Variants in AOX1 observed in about 807,000 individuals in gnomAD.
The protein encoded by AOX1 is aldehyde oxidase.
AOX1 carries 153 observed loss-of-function variants against 169.5 expected under a neutral mutation model. The observed-to-expected ratio is 0.90, with a 90% CI of 0.79 to 1.03. AOX1 has a LOEUF of 1.03. AOX1 is among the 50% of genes least tolerant of loss of function. The probability of loss-of-function intolerance (pLI) is 0.00; values close to 1 mark genes in which losing one functional copy is unlikely to be tolerated. For missense variants in AOX1, 1,656 were observed against 1,663.9 expected (o/e 1.00, Z 0.08); for synonymous variants, 562 against 581.9 (o/e 0.97, Z 0.49).
intron 31 of AOX1, 38 bp downstream of exon 31, chr2:200,663,007 G>C (rs1303078769): frequency 1.3e-6 from 2 of 1,522,208 alleles, no homozygotes; most frequent in African/African-American, 2.7e-5. Flanking sequence ...GTTGCACTTA[G>C]GATGCACCTA....
intron 14 of AOX1, among the ~76,000 whole-genome samples, chr2:200,613,042 G>GAGAC (rs1553569254): frequency 9.2e-5 from 14 of 151,556 alleles, no homozygotes; most frequent in Admixed American, 5.3e-4. Flanking sequence ...GAGAGAGAGA[G>GAGAC]AGACAGACAG....
chr2:200,604,780 C>G lies in AOX1; in HGVS notation c.754C>G (p.Leu252Val), dbSNP rs763779176. ...MWFSPVTLKE[L>V]LEFKFKYPQA... Reference sequence around the variant, plus strand: ...GTTTTCCCCCGTGACCCTGAAGGAACTGCTGGAATTTAAATTCAAGTATCC... The same window carrying G: ...GTTTTCCCCCGTGACCCTGAAGGAAGTGCTGGAATTTAAATTCAAGTATCC... Residue 252 changes from leucine (L) to valine (V), a missense_variant, in exon 9 of 35, where the codon CTG becomes GTG. Coordinates refer to ENST00000374700, the MANE Select transcript of AOX1 (RefSeq NM_001159.4). The G allele has an allele frequency of 3.1e-6, 5 of 1,613,864 alleles. No homozygotes were observed. Among genetic ancestry groups the G allele is most frequent in the East Asian group, 2.2e-5 (1 of 44,872 alleles).
At chr2:200,607,102 GAT>G (rs1315858206) in intron 10 of AOX1, among the ~76,000 whole-genome samples, 1 of 152,140 alleles carries the variant, frequency 6.6e-6, no homozygotes, top group Admixed American at 6.5e-5. Flanking sequence ...CATTCAGTAT[GAT>G]ATTGGCTATA....
At chr2:200,667,919 G>T (rs1163622407) in intron 32 of AOX1, among the ~76,000 whole-genome samples, 1 of 151,986 alleles carries the variant, frequency 6.6e-6, no homozygotes, top group Non-Finnish European at 1.5e-5. Context: ...AGCACCCTGG[G>T]GTCTCTGGAC....
At position 200,593,048 on chromosome 2, in the gene AOX1, G is replaced by T. The variant is rs538955336; in HGVS notation, c.46-98G>T. 132 of 899,764 alleles carry T rather than the reference G, an allele frequency of 1.5e-4. 1 individual carries two copies. In the African/African-American group the frequency reaches 2.0e-3, roughly 13 times the overall value. The allele number at this position is 899,764 out of a possible 1,614,324, so 55.7% of individuals were successfully genotyped here. A position where few individuals can be genotyped will look rare whatever the true frequency, so the allele number is the denominator to read the frequency against. ...ATCTACTTGAAAATATGAGTAAAAG[G>T]GCTAATTAACATGCATTTCCCTCAA... On this transcript the variant is annotated intron_variant, in intron 1 of 34. Transcript: ENST00000374700.
intron 28 of AOX1, 138 bp from the exon 29 acceptor site, chr2:200,659,857 A>G (rs2035786277): frequency 4.7e-6 from 3 of 638,476 alleles, no homozygotes; most frequent in South Asian, 3.9e-5. Context: ...CTTTCATATC[A>G]CCTTCATACA....
At chr2:200,612,848 T>C in intron 14 of AOX1, 55 bp downstream of exon 14, 2 of 1,432,804 alleles carry the variant, frequency 1.4e-6, no homozygotes, top group Non-Finnish European at 1.9e-6. Flanking sequence ...CTCCAAGTAT[T>C]AGAGGAGCCC....
intron 33 of AOX1, among the ~76,000 whole-genome samples, chr2:200,669,254 G>A (rs2035981791): frequency 6.6e-6 from 1 of 152,142 alleles, no homozygotes; most frequent in East Asian, 1.9e-4. Flanking sequence ...GACCAGCCTG[G>A]CCAACCTAGT....
At chr2:200,667,422 A>G (rs907925261) in intron 32 of AOX1, among the ~76,000 whole-genome samples, 5 of 151,848 alleles carry the variant, frequency 3.3e-5, no homozygotes, top group African/African-American at 9.7e-5. Context: ...CCTCTGATTT[A>G]GGGCACCATC....
intron 25 of AOX1, among the ~76,000 whole-genome samples, chr2:200,649,151 T>G: frequency 6.6e-6 from 1 of 152,102 alleles, no homozygotes; most frequent in African/African-American, 2.4e-5. Context: ...TAGAGATTTC[T>G]TTCTCCCTGT....
downstream of AOX1, among the ~76,000 whole-genome samples, chr2:200,678,023 C>T (rs1264330379): frequency 6.6e-6 from 1 of 152,166 alleles, no homozygotes; most frequent in Non-Finnish European, 1.5e-5. Context: ...CCTCAATTAA[C>T]AAGCACTAGA....
chr2:200,595,926 C>G (rs1003125965), intron 3 of AOX1, among the ~76,000 whole-genome samples: 1 of 152,188 alleles, frequency 6.6e-6, no homozygotes, highest in Non-Finnish European at 1.5e-5. Context: ...TATAAGCCCC[C>G]AATGGCTTCC....
At chr2:200,624,393 G>A (rs1404852967) in intron 19 of AOX1, among the ~76,000 whole-genome samples, 1 of 152,184 alleles carries the variant, frequency 6.6e-6, no homozygotes, top group Non-Finnish European at 1.5e-5. Context: ...TACTTCTAGG[G>A]GTAGGAGTTG....
chr2:200,602,254 G>T, intron 5 of AOX1, 30 bp from the exon 6 acceptor site: 2 of 1,608,600 alleles, frequency 1.2e-6, no homozygotes, highest in Non-Finnish European at 1.7e-6. Context: ...TGGGTCACTT[G>T]GCTAACAGAG....
At chr2:200,616,209 A>G (rs2034755042) in intron 16 of AOX1, 146 bp downstream of exon 16, 3 of 606,576 alleles carry the variant, frequency 4.9e-6, no homozygotes, top group South Asian at 2.1e-5. Flanking sequence ...ATGGGTAACT[A>G]AAATTCCAAA....
chr2:200,624,256 G>A (rs1362362386), intron 19 of AOX1, among the ~76,000 whole-genome samples: 2 of 152,184 alleles, frequency 1.3e-5, no homozygotes, highest in Non-Finnish European at 2.9e-5. Context: ...CATGTTCAAG[G>A]AGTAAGAGGA....
In AOX1 at chr2:200,651,216, T is replaced by C. The variant is rs868810; in HGVS notation, c.3075+15T>C. The C allele has an allele frequency of 0.89, 1,431,002 of 1,612,524 alleles. 639,433 individuals are homozygous for C. The highest frequency in any genetic ancestry group is 0.93 in the African/African-American group (69,729 of 74,992). On this transcript the variant is annotated intron_variant, in intron 26 of 34. Coordinates refer to ENST00000374700, the MANE Select transcript of AOX1 (RefSeq NM_001159.4). ...CTGCTGGTCAGGTGAGTTCTCCAAATGCACATGAGGATGCTGCCTGGAAGC... is the reference window on the plus strand; with the variant it reads ...CTGCTGGTCAGGTGAGTTCTCCAAACGCACATGAGGATGCTGCCTGGAAGC...
At chr2:200,636,875 A>T (rs1484126333) in intron 21 of AOX1, 36 bp from the exon 22 acceptor site, 6 of 1,593,560 alleles carry the variant, frequency 3.8e-6, no homozygotes, top group South Asian at 1.1e-5. Flanking sequence ...CTTGCTGAAG[A>T]TGGATCAGAT....
chr2:200,662,371 A>G (rs2035844219), intron 30 of AOX1, among the ~76,000 whole-genome samples: 1 of 152,210 alleles, frequency 6.6e-6, no homozygotes, highest in South Asian at 2.1e-4. Context: ...TTAGTTAGGA[A>G]CAGAGCAGGC....
Sources: allele counts gnomAD v4.1 joint callset (sites outside exome capture counted in the v4.1 genomes callset), GRCh38; gene constraint gnomAD v4.1.1; transcripts MANE v1.5; gene names NCBI Gene and HGNC (gene_info 2026-07-23, HGNC 2026-07-21).